DGLUCY: variants seen among roughly 807,000 people sequenced by gnomAD.
The protein encoded by DGLUCY is D-glutamate cyclase, mitochondrial.
A neutral mutation model predicts 58.5 loss-of-function variants in DGLUCY; 58 were observed. The ratio of observed to expected loss-of-function variants is 0.99; its 90% CI spans 0.80 to 1.23. The LOEUF (loss-of-function observed/expected upper bound fraction) is 1.23, where lower values mean the gene tolerates loss of function less well. Among genes scored for constraint, DGLUCY ranks in the 50% most tolerant of loss-of-function variants. The probability of loss-of-function intolerance (pLI) is 0.00; values close to 1 mark genes in which losing one functional copy is unlikely to be tolerated. For synonymous variants in DGLUCY, 325 were observed against 314.1 expected, an observed-to-expected ratio of 1.03 and a Z score of -0.37; for missense variants, 779 against 784.7, an observed-to-expected ratio of 0.99 and a Z score of 0.09.
chr14:91,195,670 G>T (rs10144147), intron 9 of DGLUCY, among the ~76,000 whole-genome samples: 5,201 of 120,474 alleles, frequency 0.043, 255 homozygotes, highest in African/African-American at 0.13. Flanking sequence ...TTTGGGTTTT[G>T]TTTTTTTTTT....
chr14:91,145,614 C>T (rs748069533), intron 1 of DGLUCY, among the ~76,000 whole-genome samples: 1 of 152,150 alleles, frequency 6.6e-6, no homozygotes, highest in Non-Finnish European at 1.5e-5. Flanking sequence ...ATCCTTGTCC[C>T]AACTGTCACC....
chr14:91,101,470 A>T (rs888106591), intron 1 of DGLUCY, among the ~76,000 whole-genome samples: 2 of 152,222 alleles, frequency 1.3e-5, no homozygotes, highest in Non-Finnish European at 2.9e-5. Context: ...CAGCTGCCAC[A>T]CTGTGGAGAT....
chr14:91,200,332 G>C (rs550171847), intron 11 of DGLUCY, among the ~76,000 whole-genome samples: 1 of 152,094 alleles, frequency 6.6e-6, no homozygotes, highest in Non-Finnish European at 1.5e-5. Flanking sequence ...CTGCAAAGAC[G>C]GTCTTTGTTC....
At chr14:91,066,342 C>T (rs1352838434) in intron 1 of DGLUCY, among the ~76,000 whole-genome samples, 2 of 144,632 alleles carry the variant, frequency 1.4e-5, no homozygotes, top group African/African-American at 5.2e-5. Flanking sequence ...TGCGCCATTG[C>T]ACTCCAGGCT....
intron 1 of DGLUCY, among the ~76,000 whole-genome samples, chr14:91,075,745 G>C (rs192622473): frequency 9.3e-6 from 1 of 107,336 alleles, no homozygotes; most frequent in Non-Finnish European, 2.2e-5. Context: ...GCACTAGCCC[G>C]GGTGGTTCAT....
chr14:91,063,359 A>G (rs755431100), intron 1 of DGLUCY, among the ~76,000 whole-genome samples: 5 of 151,652 alleles, frequency 3.3e-5, no homozygotes, highest in Non-Finnish European at 4.4e-5. Context: ...TAACATTTTC[A>G]GGCCTGACCA....
intron 1 of DGLUCY, among the ~76,000 whole-genome samples, chr14:91,143,303 G>T (rs1025740454): frequency 5.9e-5 from 9 of 151,944 alleles, no homozygotes; most frequent in Non-Finnish European, 1.3e-4. Context: ...CAATGTGTTA[G>T]CCAGGATGGT....
intron 9 of DGLUCY, among the ~76,000 whole-genome samples, chr14:91,195,126 A>G (rs575828994): frequency 4.4e-4 from 67 of 152,302 alleles, no homozygotes; most frequent in Admixed American, 1.8e-3. Flanking sequence ...CTTGGCAGCC[A>G]TCCTGGGCTA....
At chr14:91,079,359 CTTT>C (rs1166257201) in intron 1 of DGLUCY, among the ~76,000 whole-genome samples, 2 of 141,196 alleles carry the variant, frequency 1.4e-5, no homozygotes, top group Non-Finnish European at 3.1e-5. Flanking sequence ...CTTTTCTTTT[CTTT>C]TTTTTTTTTT....
chr14:91,112,996 TAAAAAA>T (rs10715930), upstream of DGLUCY, among the ~76,000 whole-genome samples: 11 of 70,192 alleles, frequency 1.6e-4, no homozygotes, highest in Non-Finnish European at 2.7e-4. Flanking sequence ...AGACTACATC[TAAAAAA>T]AAAAAAAAAA....
At chr14:91,209,358 A>G (rs957187671) in intron 12 of DGLUCY, among the ~76,000 whole-genome samples, 3 of 152,150 alleles carry the variant, frequency 2.0e-5, no homozygotes, top group African/African-American at 4.8e-5. Context: ...TATGGTAGCT[A>G]TTAATCCAAC....
chr14:91,208,856 T>C (rs1199576146), intron 12 of DGLUCY, among the ~76,000 whole-genome samples: 1 of 152,244 alleles, frequency 6.6e-6, no homozygotes, highest in Non-Finnish European at 1.5e-5. Flanking sequence ...TGAAGTGGTA[T>C]ACTGTTATTT....
chr14:91,221,086 C>T (rs112224003), intron 13 of DGLUCY, among the ~76,000 whole-genome samples: 52 of 152,348 alleles, frequency 3.4e-4, no homozygotes, highest in African/African-American at 1.2e-3. Flanking sequence ...CCTGAGGGCT[C>T]TGGCCAGGCT....
chr14:91,123,505 G>A (rs961305186), intron 1 of DGLUCY, among the ~76,000 whole-genome samples: 4 of 151,560 alleles, frequency 2.6e-5, no homozygotes, highest in African/African-American at 9.7e-5. Flanking sequence ...AGAATGAACT[G>A]TATGCTTCCA....
intron 1 of DGLUCY, among the ~76,000 whole-genome samples, chr14:91,115,570 C>T (rs2044877864): frequency 6.6e-6 from 1 of 152,150 alleles, no homozygotes; most frequent in African/African-American, 2.4e-5. Flanking sequence ...ACTACAGGCA[C>T]ATGCCACCAG....
At chr14:91,186,301 C>CA (rs756951513) in intron 8 of DGLUCY, among the ~76,000 whole-genome samples, 50 of 152,216 alleles carry the variant, frequency 3.3e-4, no homozygotes, top group Non-Finnish European at 5.9e-4. Context: ...GGCTGGAGTG[C>CA]AGTGGTGCGA....
intron 12 of DGLUCY, among the ~76,000 whole-genome samples, chr14:91,212,195 C>T (rs940452627): frequency 1.3e-5 from 2 of 152,150 alleles, no homozygotes; most frequent in African/African-American, 4.8e-5. Flanking sequence ...AACTTCTGCC[C>T]TGCAAACGAC....
chr14:91,102,435 G>T (rs1025127528), intron 1 of DGLUCY, among the ~76,000 whole-genome samples: 2 of 152,102 alleles, frequency 1.3e-5, no homozygotes, highest in African/African-American at 4.8e-5. Flanking sequence ...AATTTTCCAT[G>T]TTGATTTCCA....
chr14:91,170,292 G>T, intron 5 of DGLUCY, 91 bp downstream of exon 5: 2 of 1,383,548 alleles, frequency 1.4e-6, no homozygotes, highest in South Asian at 1.4e-5. Context: ...ACATGGGCAC[G>T]GGAGGTGGAA....
Sources: gnomAD v4.1 joint callset for allele counts (sites outside exome capture counted in the v4.1 genomes callset) on GRCh38, gnomAD v4.1.1 for gene constraint, MANE v1.5 for transcripts, NCBI Gene and HGNC (gene_info 2026-07-23, HGNC 2026-07-21) for gene names.